TMEM131L: variants seen among roughly 807,000 people sequenced by gnomAD.
The protein encoded by TMEM131L is transmembrane protein 131-like.
Under a neutral mutation model 192.2 loss-of-function variants are expected in TMEM131L, and 54 were observed. The ratio of observed to expected loss-of-function variants is 0.28; its 90% CI spans 0.23 to 0.35. TMEM131L has a LOEUF of 0.35. Among genes scored for constraint, TMEM131L ranks in the 10% least tolerant of loss-of-function variants. The pLI is 1.00. For missense variants in TMEM131L, 1,888 were observed against 1,972.9 expected (o/e 0.96, Z 0.82); for synonymous variants, 701 against 704.9 (o/e 0.99, Z 0.09).
At chr4:153,559,033 C>G (rs1728680839) in intron 7 of TMEM131L, among the ~76,000 whole-genome samples, 1 of 151,998 alleles carries the variant, frequency 6.6e-6, no homozygotes, top group Non-Finnish European at 1.5e-5. Flanking sequence ...TGAAACTTAC[C>G]TCTTCTTTCT....
chr4:153,578,559 C>T (rs142968917), intron 7 of TMEM131L, among the ~76,000 whole-genome samples: 2,137 of 147,092 alleles, frequency 0.015, 59 homozygotes, highest in African/African-American at 0.051. Flanking sequence ...CTCGTTCTGT[C>T]GCCCAGGCTG....
At chr4:153,504,151 G>T (rs1457082537) in intron 3 of TMEM131L, among the ~76,000 whole-genome samples, 1 of 150,632 alleles carries the variant, frequency 6.6e-6, no homozygotes, top group Non-Finnish European at 1.5e-5. Context: ...TGTATTTTTA[G>T]TAGAGACGGG....
At chr4:153,599,232 A>G (rs939045914) in intron 21 of TMEM131L, among the ~76,000 whole-genome samples, 37 of 152,202 alleles carry the variant, frequency 2.4e-4, no homozygotes, top group African/African-American at 8.9e-4. Context: ...ACACACTTTT[A>G]AACAACCAGA....
chr4:153,527,157 G>T lies in TMEM131L; in HGVS notation c.240-22916G>T, dbSNP rs573442625. ...GTCCATTGATGTTTTAGGATTTGGG[G>T]TTATTCTAGCAGGTACTTGTGACTG... On this transcript the variant is annotated intron_variant, in intron 3 of 34. Transcript: ENST00000409959. Among the ~76,000 whole-genome samples, 4 of 152,276 alleles carry T rather than the reference G, an allele frequency of 2.6e-5. No individual in the cohort carries two copies. The South Asian group carries it at 8.3e-4, about 32-fold the overall frequency.
At chr4:153,632,575 C>A in intron 31 of TMEM131L, 143 bp from the exon 32 acceptor site, 1 of 844,356 alleles carries the variant, frequency 1.2e-6, no homozygotes, top group Non-Finnish European at 1.8e-6. Flanking sequence ...GAATTATATC[C>A]TGAAATTATA....
intron 25 of TMEM131L, among the ~76,000 whole-genome samples, chr4:153,608,890 A>T (rs1732423317): frequency 6.6e-6 from 1 of 152,182 alleles, no homozygotes; most frequent in African/African-American, 2.4e-5. Flanking sequence ...TACATACTTA[A>T]TGTATGCATC....
chr4:153,540,269 T>C (rs1365077578), intron 3 of TMEM131L, among the ~76,000 whole-genome samples: 2 of 152,214 alleles, frequency 1.3e-5, no homozygotes, highest in African/African-American at 4.8e-5. Flanking sequence ...CTTTTGTACT[T>C]CACTTTTTAT....
chr4:153,474,443 A>G (rs1267220525), intron 3 of TMEM131L, among the ~76,000 whole-genome samples: 1 of 152,194 alleles, frequency 6.6e-6, no homozygotes, highest in Non-Finnish European at 1.5e-5. Context: ...CAAAGGCCCT[A>G]AGGCTGGAAG....
intron 19 of TMEM131L, among the ~76,000 whole-genome samples, chr4:153,595,452 A>G (rs932726489): frequency 2.5e-5 from 2 of 81,092 alleles, no homozygotes; most frequent in African/African-American, 7.2e-5. Flanking sequence ...ATAAAAATGA[A>G]TCAAATAATC....
chr4:153,635,310 C>A, intron 33 of TMEM131L, 122 bp from the exon 34 acceptor site: 1 of 868,974 alleles, frequency 1.2e-6, no homozygotes, highest in Non-Finnish European at 1.8e-6. Context: ...CCACACGGAC[C>A]AAGTATTTAT....
intron 14 of TMEM131L, 147 bp from the exon 15 acceptor site, chr4:153,587,595 C>G (rs976470578): frequency 3.0e-6 from 2 of 659,110 alleles, no homozygotes; most frequent in African/African-American, 1.8e-5. Flanking sequence ...CTGAAAATTC[C>G]TTAACAATTA....
chr4:153,479,176 C>T (rs147603747), intron 3 of TMEM131L, among the ~76,000 whole-genome samples: 198 of 152,330 alleles, frequency 1.3e-3, no homozygotes, highest in African/African-American at 4.5e-3. Flanking sequence ...GAGCAGCTTG[C>T]CTGTTACCTC....
chr4:153,539,207 A>G (rs1736578386), intron 3 of TMEM131L, among the ~76,000 whole-genome samples: 1 of 152,042 alleles, frequency 6.6e-6, no homozygotes, highest in Non-Finnish European at 1.5e-5. Context: ...CAAAACAAAC[A>G]CCCAGCAGTC....
chr4:153,537,379 A>T (rs972026095), intron 3 of TMEM131L, among the ~76,000 whole-genome samples: 3 of 152,260 alleles, frequency 2.0e-5, no homozygotes, highest in African/African-American at 7.2e-5. Flanking sequence ...AGTGCAAAGC[A>T]AAAGCAGGTT....
rs1270867750 is a variant in TMEM131L, at chr4:153,603,840, C to A, written c.2828C>A (p.Ser943Tyr). ...CKNFLDTYGP[S>Y]DKGRGKNCLP... ...AACTTTCTCGATACATATGGCCCCTCTGATAAAGGCAGGGGGAAGAACTGC... is the reference window on the plus strand; with the variant it reads ...AACTTTCTCGATACATATGGCCCCTATGATAAAGGCAGGGGGAAGAACTGC... Residue 943 changes from serine to tyrosine, a missense_variant, in exon 25 of 35, where the codon TCT becomes TAT. By Grantham distance (144) the Ser-to-Tyr change is moderately radical. Coordinates refer to ENST00000409959, the MANE Select transcript of TMEM131L (RefSeq NM_001131007.2). 6.2e-7 allele frequency: 1 copy of A among 1,607,212 alleles called. No individual in the cohort carries two copies. The highest frequency in any genetic ancestry group is 1.3e-5 in the African/African-American group (1 of 74,406).
chr4:153,576,897 T>G (rs2150687207), intron 7 of TMEM131L, among the ~76,000 whole-genome samples: 1 of 152,312 alleles, frequency 6.6e-6, no homozygotes, highest in African/African-American at 2.4e-5. Context: ...TATGCCCACC[T>G]CTATCCACTC....
chr4:153,526,969 C>T (rs918692002), intron 3 of TMEM131L, among the ~76,000 whole-genome samples: 9 of 152,066 alleles, frequency 5.9e-5, no homozygotes, highest in African/African-American at 2.2e-4. Context: ...TTATATGTAT[C>T]TTTGTGTCCC....
At chr4:153,525,272 G>A (rs1301358303) in intron 3 of TMEM131L, among the ~76,000 whole-genome samples, 1 of 152,188 alleles carries the variant, frequency 6.6e-6, no homozygotes, top group Admixed American at 6.5e-5. Flanking sequence ...GATTGTGATA[G>A]TACCTCTAGA....
intron 3 of TMEM131L, among the ~76,000 whole-genome samples, chr4:153,484,456 ATTATTTTTATT>A (rs1425469869): frequency 2.0e-5 from 3 of 151,144 alleles, no homozygotes; most frequent in Admixed American, 6.6e-5. Flanking sequence ...TTTTATTTTT[ATTATTTTTATT>A]TTATTTTTAT....
Sources: gnomAD v4.1 joint callset for allele counts (sites outside exome capture counted in the v4.1 genomes callset) on GRCh38, gnomAD v4.1.1 for gene constraint, MANE v1.5 for transcripts, NCBI Gene and HGNC (gene_info 2026-07-23, HGNC 2026-07-21) for gene names.